Variants in PIK3R5 observed in about 807,000 individuals in gnomAD.
PIK3R5 encodes phosphoinositide 3-kinase regulatory subunit 5.
PIK3R5 carries 32 observed loss-of-function variants against 94.9 expected under a neutral mutation model. The observed-to-expected ratio is 0.34, with a 90% CI of 0.25 to 0.45. PIK3R5 has a LOEUF of 0.45. Ranked by LOEUF, PIK3R5 falls within the 20% of genes least tolerant of loss-of-function variation. PIK3R5 has a pLI of 1.00. For missense variants in PIK3R5, 853 were observed against 1,144.6 expected (o/e 0.75, Z 3.68); for synonymous variants, 443 against 479.4 (o/e 0.92, Z 0.99).
At chr17:8,886,718 G>C (rs901350826) in intron 12 of PIK3R5, 113 bp from the exon 13 acceptor site, 5 of 1,244,718 alleles carry the variant, frequency 4.0e-6, no homozygotes, top group Non-Finnish European at 5.6e-6. Context: ...GCCAGTCAGG[G>C]GGAGCTGGTG....
chr17:8,913,436 G>A (rs1279898028), intron 1 of PIK3R5, among the ~76,000 whole-genome samples: 2 of 152,370 alleles, frequency 1.3e-5, no homozygotes, highest in East Asian at 1.9e-4. Context: ...GCTGGGTGCG[G>A]TGGCTCATGC....
rs2089764334 is a variant in PIK3R5 at position 8,884,595 on chromosome 17, G to C, written c.2205+112C>G. The C allele has an allele frequency of 1.4e-5, 11 of 790,114 alleles. No individual in the cohort carries two copies. In the South Asian group the frequency reaches 1.7e-4, roughly 12 times the overall value. 48.9% of individuals were successfully genotyped at this position (790,114 alleles called of 1,614,324 possible). A position where few individuals can be genotyped will look rare whatever the true frequency, so the allele number is the denominator to read the frequency against. ...CAGGGGAGCCTGCTGCAGCCTTCCA[G>C]CGTAAAGACTGGGGCCCAGGAACAC... On this transcript the variant is annotated intron_variant, in intron 15 of 18. Coordinates refer to ENST00000447110, the MANE Select transcript of PIK3R5 (RefSeq NM_001142633.3). This position sits in a 1 kb window ranked among gnomAD's most constrained non-coding sequence, Gnocchi z 5.8.
Position 8,911,181 on chromosome 17 carries a change from G to A in PIK3R5, c.103+211C>T, listed in dbSNP as rs752846589. 1.6e-4 allele frequency among the ~76,000 whole-genome samples: 25 copies of A among 152,216 alleles called. No individual in the cohort carries two copies. Among genetic ancestry groups the A allele is most frequent in the African/African-American group, 2.4e-4 (10 of 41,458 alleles). Reference sequence around the variant, plus strand: ...CCCTGAGTAGGATGAGGAAGATGCCGTGGGAGAAGGGAGAAAGTGCCAGAC... The same window carrying A: ...CCCTGAGTAGGATGAGGAAGATGCCATGGGAGAAGGGAGAAAGTGCCAGAC... On this transcript the variant is annotated intron_variant, in intron 2 of 18. Transcript: ENST00000447110. This position sits in a 1 kb window ranked among gnomAD's most constrained non-coding sequence, Gnocchi z 5.3.
intron 1 of PIK3R5, among the ~76,000 whole-genome samples, chr17:8,927,806 G>A (rs72844605): frequency 0.2 from 30,053 of 152,090 alleles, 3,668 homozygotes; most frequent in South Asian, 0.29. Flanking sequence ...TCTCTGAATG[G>A]CTTGGTGTCA....
intron 1 of PIK3R5, among the ~76,000 whole-genome samples, chr17:8,947,664 G>A (rs774788288): frequency 4.6e-5 from 7 of 152,078 alleles, no homozygotes; most frequent in African/African-American, 1.7e-4. Flanking sequence ...TGACTTCCTG[G>A]GGCATACGTC....
intron 1 of PIK3R5, among the ~76,000 whole-genome samples, chr17:8,937,750 T>C (rs141032251): frequency 6.6e-6 from 1 of 152,334 alleles, no homozygotes; most frequent in Non-Finnish European, 1.5e-5. Context: ...CCTCATAGAA[T>C]GAGTTAGGAA....
At chr17:8,906,786 G>T (rs1373890917) in intron 3 of PIK3R5, among the ~76,000 whole-genome samples, 1 of 152,060 alleles carries the variant, frequency 6.6e-6, no homozygotes, top group African/African-American at 2.4e-5. Context: ...GGGAGGCTGA[G>T]ACTCTGTCTC....
chr17:8,953,031 C>T (rs750855359), intron 1 of PIK3R5, among the ~76,000 whole-genome samples: 2 of 152,208 alleles, frequency 1.3e-5, no homozygotes, highest in African/African-American at 4.8e-5. Context: ...CTACATCTAT[C>T]TCAGAGGAGA....
At position 8,888,897 on chromosome 17, in the gene PIK3R5, G is replaced by A. The variant is rs1171859230; in HGVS notation, c.896-6C>T. The A allele has an allele frequency of 1.3e-6, 2 of 1,592,262 alleles. No homozygotes were observed. The highest frequency in any genetic ancestry group is 2.7e-5 in the African/African-American group (2 of 74,830). On this transcript the variant is annotated splice_region_variant and splice_polypyrimidine_tract_variant and intron_variant, in intron 9 of 18. Coordinates refer to ENST00000447110, the MANE Select transcript of PIK3R5 (RefSeq NM_001142633.3). The surrounding 1 kb of genome is among the most constrained non-coding windows in gnomAD (Gnocchi z 7.8). ...CAGGATTTCCTGCAGGATGTCTGCA[G>A]GGAAGCAAGGCCAGCACTGTCTGGG...
rs74342703 is a variant in PIK3R5 at position 8,900,811 on chromosome 17, C to T, written c.412+3966G>A. Among the ~76,000 whole-genome samples, 8 of 152,182 alleles carry T rather than the reference C, an allele frequency of 5.3e-5. No individual in the cohort carries two copies. The East Asian group carries it at 1.2e-3, about 22-fold the overall frequency. On this transcript the variant is annotated intron_variant, in intron 5 of 18. Transcript: ENST00000447110. Reference sequence around the variant, plus strand: ...GCCCAGAACGGAGTTTCTACCCAGCCGCCTGCAAAAATATCTCAAGGCATA... The same window carrying T: ...GCCCAGAACGGAGTTTCTACCCAGCTGCCTGCAAAAATATCTCAAGGCATA...
chr17:8,910,531 C>A (rs1325222631), intron 2 of PIK3R5, among the ~76,000 whole-genome samples: 1 of 152,146 alleles, frequency 6.6e-6, no homozygotes, highest in African/African-American at 2.4e-5. Context: ...TTATTATTCC[C>A]ATTTTGCAGA....
At chr17:8,885,980 C>T (rs1480016845) in intron 14 of PIK3R5, among the ~76,000 whole-genome samples, 2 of 151,492 alleles carry the variant, frequency 1.3e-5, no homozygotes, top group Non-Finnish European at 2.9e-5. Flanking sequence ...ATGGCCCTGC[C>T]TCCTGGGTAA....
At chr17:8,960,897 C>T (rs1031058029) in intron 1 of PIK3R5, among the ~76,000 whole-genome samples, 6 of 139,644 alleles carry the variant, frequency 4.3e-5, no homozygotes, top group African/African-American at 1.6e-4. Context: ...TGTTGCTGTG[C>T]ATGGACGCCT....
At position 8,905,680 on chromosome 17, in the gene PIK3R5, T is replaced by C; in HGVS notation, c.262A>G (p.Thr88Ala). ...LTPLALLFYS[T>A]VLCTPHFPPD... ...CCACGTGGACTTACACAAAGAACAG[T>C]GGAATAGAAGAGCAGGGCCAGCGGG... Residue 88 changes from threonine (T) to alanine (A), a missense_variant, in exon 4 of 19, where the codon ACT (threonine) becomes GCT (alanine). By Grantham distance (58) the Thr-to-Ala change is moderately conservative (BLOSUM62 0). Transcript: ENST00000447110. 2 of 1,603,774 alleles carry C rather than the reference T, an allele frequency of 1.2e-6. No homozygotes were observed. The highest frequency in any genetic ancestry group is 1.7e-6 in the Non-Finnish European group (2 of 1,175,308).
At chr17:8,933,931 G>A (rs887452583) in intron 1 of PIK3R5, among the ~76,000 whole-genome samples, 2 of 152,180 alleles carry the variant, frequency 1.3e-5, no homozygotes, top group African/African-American at 4.8e-5. Flanking sequence ...AGAACCCTCA[G>A]TAAGAGGGAA....
In PIK3R5 at chr17:8,896,625, T is replaced by A. The variant is rs2090158557; in HGVS notation, c.413-2970A>T. On this transcript the variant is annotated intron_variant, in intron 5 of 18. Coordinates refer to ENST00000447110, the MANE Select transcript of PIK3R5 (RefSeq NM_001142633.3). This position sits in a 1 kb window ranked among gnomAD's most constrained non-coding sequence, Gnocchi z 4.0. ...TTCGCCATTAAGCCTTGTTCACCCA[T>A]CAAAGCTTCCACTCTTTTTCAAAGT... 6.6e-6 allele frequency among the ~76,000 whole-genome samples: 1 copy of A among 152,168 alleles called. No homozygotes were observed. Among genetic ancestry groups the A allele is most frequent in the South Asian group, 2.1e-4 (1 of 4,816 alleles).
intron 1 of PIK3R5, among the ~76,000 whole-genome samples, chr17:8,953,424 T>C (rs1186778245): frequency 6.6e-6 from 1 of 152,188 alleles, no homozygotes; most frequent in African/African-American, 2.4e-5. Flanking sequence ...GCAAGTTCTT[T>C]AAAGGGCCAC....
At chr17:8,883,277 A>T (rs766987079) in intron 15 of PIK3R5, among the ~76,000 whole-genome samples, 23 of 152,224 alleles carry the variant, frequency 1.5e-4, no homozygotes, top group Non-Finnish European at 2.5e-4. Flanking sequence ...CTGAGGCAGG[A>T]GAATTGCTTG....
chr17:8,899,629 C>T (rs1170683693), intron 5 of PIK3R5, among the ~76,000 whole-genome samples: 2 of 152,174 alleles, frequency 1.3e-5, no homozygotes. Flanking sequence ...GACTAGAAGC[C>T]ACTAAGTTAT....
Sources: gnomAD v4.1 joint callset for allele counts (sites outside exome capture counted in the v4.1 genomes callset) on GRCh38, gnomAD v4.1.1 for gene constraint, Gnocchi (gnomAD v3.1) non-coding constraint, MANE v1.5 for transcripts, NCBI Gene and HGNC (gene_info 2026-07-23, HGNC 2026-07-21) for gene names.